Variants in CIT observed in about 807,000 individuals in gnomAD.
CIT encodes the protein citron Rho-interacting kinase.
CIT carries 79 observed loss-of-function variants against 272.7 expected under a neutral mutation model. The observed-to-expected ratio is 0.29, with a 90% CI of 0.24 to 0.35. The LOEUF (loss-of-function observed/expected upper bound fraction) is 0.35. CIT is among the 10% of genes least tolerant of loss of function. The probability of loss-of-function intolerance (pLI) is 1.00; values close to 1 mark genes in which losing one functional copy is unlikely to be tolerated. For synonymous variants in CIT, 948 were observed against 995.6 expected, an observed-to-expected ratio of 0.95 and a Z score of 0.90; for missense variants, 1,909 against 2,618.3, an observed-to-expected ratio of 0.73 and a Z score of 5.91.
Position 119,710,642 on chromosome 12 carries a change from GA to G in CIT, c.4855-23del. The stretch of plus-strand genomic sequence containing the variant: ...GTTTCTTTTCATAGGTGAAAGAAAA[GA>G]AAAACAGAAGACATCGTGAGGCTGA... On this transcript the variant is annotated intron_variant, in intron 37 of 47. Transcript: ENST00000392521. The surrounding 1 kb of genome is among the most constrained non-coding windows in gnomAD (Gnocchi z 5.6). 1.2e-6 allele frequency: 2 copies of G among 1,606,952 alleles called. No homozygotes were observed. The highest frequency in any genetic ancestry group is 1.7e-4 in the Middle Eastern group (1 of 6,044).
Position 119,768,117 on chromosome 12 carries a change from G to T in CIT, c.2209-935C>A, listed in dbSNP as rs557665764. Among the ~76,000 whole-genome samples the T allele has an allele frequency of 5.9e-5, 9 of 151,980 alleles. No homozygotes were observed. Among genetic ancestry groups the T allele is most frequent in the African/African-American group, 1.5e-4 (6 of 41,356 alleles). ...AGTAGAGGCGAGGTTTCACCATGTC[G>T]GTCAGGCTGGTTTCAAACTCCTGAC... is the stretch of plus-strand genomic sequence containing the variant. On this transcript the variant is annotated intron_variant, in intron 18 of 47. Coordinates refer to ENST00000392521, the MANE Select transcript of CIT (RefSeq NM_001206999.2). This position sits in a 1 kb window ranked among gnomAD's most constrained non-coding sequence, Gnocchi z 4.3.
At chr12:119,742,595 GAACT>G (rs897312654) in intron 23 of CIT, 131 bp from the exon 24 acceptor site, 1 of 593,492 alleles carries the variant, frequency 1.7e-6, no homozygotes, top group Non-Finnish European at 2.9e-6. Context: ...GTTTTTCTAA[GAACT>G]AATTAATCAA....
rs384205 is a variant in CIT at position 119,788,370 on chromosome 12, C to G, written c.1296-3305G>C. On this transcript the variant is annotated intron_variant, in intron 10 of 47. Coordinates refer to ENST00000392521, the MANE Select transcript of CIT (RefSeq NM_001206999.2). Reference sequence around the variant, plus strand: ...GGGCTAGAGAACAAGACCCAAACCACCCACGGAGAGAGTGGTGATCCACAG... The same window carrying G: ...GGGCTAGAGAACAAGACCCAAACCAGCCACGGAGAGAGTGGTGATCCACAG... 8.3e-3 allele frequency among the ~76,000 whole-genome samples: 1,261 copies of G among 152,258 alleles called. 18 individuals carry two copies. The highest frequency in any genetic ancestry group is 0.029 in the African/African-American group (1,197 of 41,532).
chr12:119,772,947 A>T (rs1489673088), intron 16 of CIT, 37 bp from the exon 17 acceptor site: 1 of 1,582,930 alleles, frequency 6.3e-7, no homozygotes, highest in East Asian at 2.3e-5. Flanking sequence ...AGGTGGGCAA[A>T]TTTATTCATA....
At position 119,846,329 on chromosome 12, in the gene CIT, T is replaced by G. The variant is rs552269550; in HGVS notation, c.516+3845A>C. On this transcript the variant is annotated intron_variant, in intron 5 of 47. Coordinates refer to ENST00000392521, the MANE Select transcript of CIT (RefSeq NM_001206999.2). The stretch of plus-strand genomic sequence containing the variant: ...GTCAGTGCCTCTACCAAAATGGACC[T>G]TGATGATGTGAAAATCCCAAAGCAT... Among the ~76,000 whole-genome samples the G allele has an allele frequency of 1.2e-4, 18 of 152,282 alleles. No individual in the cohort carries two copies. In the South Asian group the frequency reaches 3.1e-3, roughly 26 times the overall value.
At chr12:119,838,783 A>G (rs1969201423) in intron 5 of CIT, among the ~76,000 whole-genome samples, 1 of 152,230 alleles carries the variant, frequency 6.6e-6, no homozygotes, top group Non-Finnish European at 1.5e-5. Flanking sequence ...CCAGTCCATC[A>G]GCACTGAAGC....
In CIT at chr12:119,686,449, C is replaced by T. The variant is rs1013370828; in HGVS notation, c.*1783G>A. 1 of 152,224 alleles carries T rather than the reference C, an allele frequency of 6.6e-6. No homozygotes were observed. Among genetic ancestry groups the T allele is most frequent in the African/African-American group, 2.4e-5 (1 of 41,424 alleles). The allele number at this position is 152,224 out of a possible 1,614,324, so 9.4% of individuals were successfully genotyped here. On this transcript the variant is annotated 3_prime_UTR_variant, in exon 48 of 48. Coordinates refer to ENST00000392521, the MANE Select transcript of CIT (RefSeq NM_001206999.2). ...TAAAACGCCACAGCAGGACATTTGC[C>T]AAAGGAGCTACCACATGGAGGTTTG... is the stretch of plus-strand genomic sequence containing the variant.
intron 22 of CIT, among the ~76,000 whole-genome samples, chr12:119,756,657 G>A (rs889533514): frequency 6.6e-6 from 1 of 152,148 alleles, no homozygotes; most frequent in African/African-American, 2.4e-5. Context: ...TTCACTACTG[G>A]GGCGTGGGAA....
At chr12:119,843,913 C>A (rs1969595411) in intron 5 of CIT, among the ~76,000 whole-genome samples, 1 of 151,938 alleles carries the variant, frequency 6.6e-6, no homozygotes, top group African/African-American at 2.4e-5. Context: ...GATGGAATTT[C>A]AGGACTGTAC....
At chr12:119,874,902 A>C (rs1166305956) in intron 2 of CIT, among the ~76,000 whole-genome samples, 1 of 151,950 alleles carries the variant, frequency 6.6e-6, no homozygotes, top group Admixed American at 6.6e-5. Context: ...AAAAAAAAAA[A>C]ATCTTAAAAA....
intron 19 of CIT, among the ~76,000 whole-genome samples, chr12:119,762,785 C>A (rs1449999790): frequency 2.6e-5 from 4 of 152,166 alleles, no homozygotes; most frequent in Admixed American, 1.3e-4. Context: ...GCCTCTAACC[C>A]CAGCACTTTG....
At chr12:119,743,235 A>G (rs948202838) in intron 23 of CIT, among the ~76,000 whole-genome samples, 2 of 152,202 alleles carry the variant, frequency 1.3e-5, no homozygotes, top group Non-Finnish European at 2.9e-5. Context: ...CAGTTTAAAA[A>G]AAAAAAAGGA....
chr12:119,821,132 C>A (rs1176044490), intron 9 of CIT, among the ~76,000 whole-genome samples: 1 of 151,572 alleles, frequency 6.6e-6, no homozygotes. Flanking sequence ...CCTGTTTCTA[C>A]GAAAAATAGA....
rs1257884374 is a variant in CIT, at chr12:119,858,982, T to C, written c.239-1284A>G. On this transcript the variant is annotated intron_variant, in intron 3 of 47. Coordinates refer to ENST00000392521, the MANE Select transcript of CIT (RefSeq NM_001206999.2). ...CTTATTATTTTTCCAAGTCTAATCT[T>C]TCAGTCAGAGATCCTCAACGTATGA... 3.3e-5 allele frequency among the ~76,000 whole-genome samples: 5 copies of C among 152,312 alleles called. No homozygotes were observed. The East Asian group carries it at 9.6e-4, about 29-fold the overall frequency.
intron 28 of CIT, among the ~76,000 whole-genome samples, chr12:119,724,811 CACCTGTA>C (rs973259514): frequency 6.6e-6 from 1 of 151,352 alleles, no homozygotes; most frequent in African/African-American, 2.4e-5. Flanking sequence ...TGATAGCAGG[CACCTGTA>C]GTCCCAGCTA....
At position 119,712,805 on chromosome 12, in the gene CIT, G is replaced by A; in HGVS notation, c.4580-110C>T. ...AGGGAGAGAGAGACAGGGTACGTGTGTAAAGAGAGGCGCACGAGAACAAGG... is the reference window on the plus strand; with the variant it reads ...AGGGAGAGAGAGACAGGGTACGTGTATAAAGAGAGGCGCACGAGAACAAGG... On this transcript the variant is annotated intron_variant, in intron 35 of 47. Transcript: ENST00000392521. This position sits in a 1 kb window ranked among gnomAD's most constrained non-coding sequence, Gnocchi z 5.2. 1 of 812,274 alleles carries A rather than the reference G, an allele frequency of 1.2e-6. No individual in the cohort carries two copies. The highest frequency in any genetic ancestry group is 2.0e-6 in the Non-Finnish European group (1 of 493,932). 50.3% of individuals were successfully genotyped at this position (812,274 alleles called of 1,614,324 possible). A position where few individuals can be genotyped will look rare whatever the true frequency, so the allele number is the denominator to read the frequency against.
chr12:119,876,074 T>C lies in CIT; in HGVS notation c.95A>G (p.Gln32Arg), dbSNP rs747679425. 1 of 1,610,728 alleles carries C rather than the reference T, an allele frequency of 6.2e-7. No individual in the cohort carries two copies. Among genetic ancestry groups the C allele is most frequent in the African/African-American group, 1.3e-5 (1 of 74,842 alleles). Residue 32 changes from glutamine (Q) to arginine (R), a missense_variant and splice_region_variant, in exon 2 of 48, where the codon CAG becomes CGG. Gln to Arg is a conservative substitution (Grantham distance 43, BLOSUM62 1). Transcript: ENST00000392521. ...SRASRLNLFF[Q>R]GKPPFMTQQQ... Reference sequence around the variant, plus strand: ...AAAGTTGGCAGGGTAGGCTGTTACCTGGAAGAACAGATTCAGCCTGGAGGC... The same window carrying C: ...AAAGTTGGCAGGGTAGGCTGTTACCCGGAAGAACAGATTCAGCCTGGAGGC...
intron 5 of CIT, among the ~76,000 whole-genome samples, chr12:119,849,533 T>A (rs1387950377): frequency 2.0e-5 from 3 of 152,238 alleles, no homozygotes; most frequent in Non-Finnish European, 2.9e-5. Context: ...ATCATTTTTT[T>A]AATCCTAAGC....
At chr12:119,720,663 A>C in intron 29 of CIT, 78 bp from the exon 30 acceptor site, 1 of 1,049,346 alleles carries the variant, frequency 9.5e-7, no homozygotes, top group Non-Finnish European at 1.4e-6. Flanking sequence ...AGAAACTAAA[A>C]AGTGAAGTTG....
Sources: allele counts gnomAD v4.1 joint callset (sites outside exome capture counted in the v4.1 genomes callset), GRCh38; gene constraint gnomAD v4.1.1; non-coding constraint Gnocchi (gnomAD v3.1); transcripts MANE v1.5; gene names NCBI Gene and HGNC (gene_info 2026-07-23, HGNC 2026-07-21).